UGT8: variants seen among roughly 807,000 people sequenced by gnomAD.
The protein encoded by UGT8 is 2-hydroxyacylsphingosine 1-beta-galactosyltransferase.
UGT8 carries 12 observed loss-of-function variants against 40.5 expected under a neutral mutation model. The observed-to-expected ratio is 0.30, with a 90% CI of 0.19 to 0.48. The LOEUF is 0.48. Among genes scored for constraint, UGT8 ranks in the 20% least tolerant of loss-of-function variants. The pLI is 0.99. For missense variants in UGT8, 513 were observed against 648.7 expected (o/e 0.79, Z 2.27); for synonymous variants, 224 against 240.4 (o/e 0.93, Z 0.63).
intron 5 of UGT8, among the ~76,000 whole-genome samples, chr4:114,670,447 A>G (rs1735183992): frequency 6.6e-6 from 1 of 150,558 alleles, no homozygotes; most frequent in African/African-American, 2.4e-5. Flanking sequence ...AAAAAAAAAA[A>G]AAAAAAAAGC....
chr4:114,608,753 A>G (rs1459078909), intron 1 of UGT8, among the ~76,000 whole-genome samples: 1 of 152,196 alleles, frequency 6.6e-6, no homozygotes, highest in African/African-American at 2.4e-5. Context: ...ATGCTAATAA[A>G]AGAAAATAAT....
At chr4:114,665,031 T>A (rs1290387909) in intron 3 of UGT8, among the ~76,000 whole-genome samples, 2 of 152,228 alleles carry the variant, frequency 1.3e-5, no homozygotes, top group Non-Finnish European at 2.9e-5. Context: ...TTTCCTCTGT[T>A]AGGCTTAACC....
At chr4:114,641,555 CA>C (rs752402667) in intron 2 of UGT8, among the ~76,000 whole-genome samples, 4 of 152,088 alleles carry the variant, frequency 2.6e-5, no homozygotes, top group Non-Finnish European at 5.9e-5. Flanking sequence ...ATGCTAGACA[CA>C]GGTTTATTCA....
intron 2 of UGT8, among the ~76,000 whole-genome samples, chr4:114,639,924 G>T (rs568878684): frequency 2.6e-5 from 4 of 152,220 alleles, no homozygotes; most frequent in Admixed American, 2.6e-4. Flanking sequence ...CTTATTGGGT[G>T]CAGGGAACAT....
chr4:114,603,124 A>G (rs990278552), intron 1 of UGT8, among the ~76,000 whole-genome samples: 6 of 152,060 alleles, frequency 3.9e-5, no homozygotes, highest in Admixed American at 2.0e-4. Context: ...TGGTTGGAGG[A>G]TTGGGAGTGG....
intron 1 of UGT8, among the ~76,000 whole-genome samples, chr4:114,611,387 C>T (rs1401097555): frequency 2.3e-5 from 3 of 131,116 alleles, no homozygotes; most frequent in African/African-American, 9.4e-5. Flanking sequence ...TGTAGGATAA[C>T]ATAGCCATAT....
At chr4:114,606,564 G>T (rs1730748186) in intron 1 of UGT8, among the ~76,000 whole-genome samples, 1 of 152,194 alleles carries the variant, frequency 6.6e-6, no homozygotes, top group Non-Finnish European at 1.5e-5. Flanking sequence ...AAGGAGGGAA[G>T]AACGGTGAAA....
intron 2 of UGT8, among the ~76,000 whole-genome samples, chr4:114,661,589 A>G (rs568598878): frequency 1.3e-4 from 20 of 152,260 alleles, no homozygotes; most frequent in Non-Finnish European, 2.1e-4. Context: ...AACCCCTTCA[A>G]TGTTCTCATA....
chr4:114,672,899 T>C (rs567117990), intron 5 of UGT8, among the ~76,000 whole-genome samples: 51 of 152,220 alleles, frequency 3.4e-4, no homozygotes, highest in Non-Finnish European at 6.0e-4. Flanking sequence ...TGGATTCATT[T>C]AATAAAGGCC....
intron 1 of UGT8, among the ~76,000 whole-genome samples, chr4:114,620,388 T>C (rs1300608586): frequency 6.6e-6 from 1 of 152,222 alleles, no homozygotes; most frequent in African/African-American, 2.4e-5. Context: ...CATATTTCCT[T>C]GTAAAATATC....
At chr4:114,608,682 CT>C (rs1288200099) in intron 1 of UGT8, among the ~76,000 whole-genome samples, 4 of 151,932 alleles carry the variant, frequency 2.6e-5, no homozygotes, top group African/African-American at 2.4e-5. Flanking sequence ...AGTGGGTTTT[CT>C]TTTTTAAATT....
intron 2 of UGT8, among the ~76,000 whole-genome samples, chr4:114,640,666 G>T (rs902822954): frequency 2.0e-5 from 3 of 152,116 alleles, no homozygotes; most frequent in African/African-American, 7.2e-5. Context: ...CTGGGGAAAT[G>T]TGGAAACTTC....
Position 114,623,123 on chromosome 4 carries a change from C to T in UGT8, c.243C>T (p.Thr81=), listed in dbSNP as rs952013338. Reference sequence around the variant, plus strand: ...ACCCAGGGATCTTTAACAGTACCACCTCAGATGCTTTCCTACAGTCCAAGA... The same window carrying T: ...ACCCAGGGATCTTTAACAGTACCACTTCAGATGCTTTCCTACAGTCCAAGA... ...QRYPGIFNST[T]SDAFLQSKMR... is the part of the protein sequence containing the mutation. The change falls in exon 2 of 6, where the codon ACC becomes ACT. Residue 81 remains threonine, a synonymous_variant. Transcript: ENST00000310836. 7 of 1,614,016 alleles carry T rather than the reference C, an allele frequency of 4.3e-6. No homozygotes were observed. Among genetic ancestry groups the T allele is most frequent in the Non-Finnish European group, 5.1e-6 (6 of 1,180,032 alleles).
Position 114,677,109 on chromosome 4 carries a change from A to G in UGT8, c.*821A>G, listed in dbSNP as rs183307684. ...TAATGAGTAACAATATGTTAAATGC[A>G]TAATTAAGACAAAGCAATGAAATTC... On this transcript the variant is annotated 3_prime_UTR_variant, in exon 6 of 6. Coordinates refer to ENST00000310836, the MANE Select transcript of UGT8 (RefSeq NM_001128174.3). 433 of 152,310 alleles carry G rather than the reference A, an allele frequency of 2.8e-3. 3 individuals are homozygous for G. Among genetic ancestry groups the G allele is most frequent in the African/African-American group, 9.6e-3 (399 of 41,572 alleles). The allele number at this position is 152,310 out of a possible 1,614,324, so 9.4% of individuals were successfully genotyped here. A position where few individuals can be genotyped will look rare whatever the true frequency, so the allele number is the denominator to read the frequency against.
intron 2 of UGT8, among the ~76,000 whole-genome samples, chr4:114,651,194 A>AT (rs1213372790): frequency 2.6e-5 from 4 of 151,564 alleles, no homozygotes; most frequent in African/African-American, 9.7e-5. Context: ...TTACTTCCTC[A>AT]TTTTTTTCAA....
intron 1 of UGT8, among the ~76,000 whole-genome samples, chr4:114,618,016 TTTG>T (rs1404443454): frequency 1.3e-5 from 2 of 152,200 alleles, no homozygotes; most frequent in Non-Finnish European, 2.9e-5. Context: ...TCATCTTTAC[TTTG>T]TTATCATTAT....
intron 2 of UGT8, among the ~76,000 whole-genome samples, chr4:114,660,323 G>GATATAGACAATATGAAAACAGACT (rs1161527390): frequency 3.0e-4 from 46 of 152,130 alleles, no homozygotes; most frequent in African/African-American, 1.0e-3. Flanking sequence ...CGACAGAGTC[G>GATATAGACAATATGAAAACAGACT]ATATAGACAA....
chr4:114,676,074 A>G lies in UGT8; in HGVS notation c.1412A>G (p.Gln471Arg), dbSNP rs765802959. The G allele has an allele frequency of 6.2e-7, 1 of 1,614,206 alleles. No homozygotes were observed. Reference protein sequence around the residue: ...RAAVHQISFCQYFLLDIAFVL... With the variant: ...RAAVHQISFCRYFLLDIAFVL... ...GCTGTCCATCAGATCTCCTTTTGTCAGTATTTTTTACTGGATATTGCCTTT... is the reference window on the plus strand; with the variant it reads ...GCTGTCCATCAGATCTCCTTTTGTCGGTATTTTTTACTGGATATTGCCTTT... Residue 471 changes from glutamine to arginine, a missense_variant, in exon 6 of 6, where the codon CAG becomes CGG. This residue lies in a region of UGT8 where 175 missense variants were observed against 186.7 expected (regional missense o/e 0.94). Transcript: ENST00000310836.
intron 1 of UGT8, among the ~76,000 whole-genome samples, chr4:114,610,911 G>T (rs548692792): frequency 1.4e-4 from 22 of 152,136 alleles, no homozygotes; most frequent in South Asian, 4.2e-4. Context: ...CTTAATTAGT[G>T]GGGGAAATAA....
Sources: allele counts gnomAD v4.1 joint callset (sites outside exome capture counted in the v4.1 genomes callset), GRCh38; gene constraint gnomAD v4.1.1; regional missense constraint gnomAD v4.1.1; transcripts MANE v1.5; gene names NCBI Gene and HGNC (gene_info 2026-07-23, HGNC 2026-07-21).